The following TNR variants were observed in gnomAD, a reference collection of about 807,000 sequenced individuals.
TNR encodes the protein tenascin R.
TNR carries 45 observed loss-of-function variants against 150.4 expected under a neutral mutation model. That is an observed-to-expected ratio of 0.30 (90% CI 0.24 to 0.38). The LOEUF (loss-of-function observed/expected upper bound fraction) is 0.38. Among genes scored for constraint, TNR ranks in the 10% least tolerant of loss-of-function variants. The pLI is 1.00. For synonymous variants in TNR, 687 were observed against 678.4 expected (o/e 1.01, Z -0.20); for missense variants, 1,544 against 1,759.1 (o/e 0.88, Z 2.19).
intron 1 of TNR, among the ~76,000 whole-genome samples, chr1:175,579,840 G>T (rs1364621877): frequency 2.6e-5 from 4 of 151,934 alleles, no homozygotes; most frequent in Admixed American, 2.6e-4. Flanking sequence ...CCCCAGGCAG[G>T]TCCTGCCTTT....
chr1:175,352,092 T>C (rs944314631), intron 18 of TNR, among the ~76,000 whole-genome samples: 5 of 152,156 alleles, frequency 3.3e-5, no homozygotes, highest in African/African-American at 1.2e-4. Context: ...CCAGGTGGAT[T>C]TGGGATCCCA....
intron 9 of TNR, among the ~76,000 whole-genome samples, chr1:175,372,650 C>T (rs1652159934): frequency 6.6e-6 from 1 of 152,226 alleles, no homozygotes; most frequent in South Asian, 2.1e-4. Flanking sequence ...TTCATGCCTG[C>T]TGTCGCTAGC....
At chr1:175,651,490 T>A (rs1228634247) in intron 1 of TNR, among the ~76,000 whole-genome samples, 1 of 152,062 alleles carries the variant, frequency 6.6e-6, no homozygotes, top group East Asian at 1.9e-4. Context: ...ATTGTGAATA[T>A]GTTTTAATAA....
chr1:175,497,547 G>C (rs1362386096), intron 2 of TNR, among the ~76,000 whole-genome samples: 2 of 152,154 alleles, frequency 1.3e-5, no homozygotes, highest in Non-Finnish European at 2.9e-5. Flanking sequence ...TGTGTTTCAC[G>C]GGGCTTCTGA....
At chr1:175,346,555 C>T (rs879812813) in intron 18 of TNR, among the ~76,000 whole-genome samples, 18 of 150,382 alleles carry the variant, frequency 1.2e-4, no homozygotes, top group South Asian at 6.3e-4. Context: ...GAAGTAAAGA[C>T]AGAATATGAA....
chr1:175,651,937 A>G (rs1241755690), intron 1 of TNR, among the ~76,000 whole-genome samples: 2 of 151,392 alleles, frequency 1.3e-5, no homozygotes, highest in Non-Finnish European at 2.9e-5. Context: ...ATGTTCATGG[A>G]TGAAATAAGA....
At chr1:175,352,104 A>G (rs1192964270) in intron 18 of TNR, among the ~76,000 whole-genome samples, 1 of 152,154 alleles carries the variant, frequency 6.6e-6, no homozygotes, top group African/African-American at 2.4e-5. Flanking sequence ...GGGATCCCAG[A>G]TCCAAAAAAC....
At chr1:175,622,394 T>C (rs1403075856) in intron 1 of TNR, among the ~76,000 whole-genome samples, 1 of 152,206 alleles carries the variant, frequency 6.6e-6, no homozygotes, top group Non-Finnish European at 1.5e-5. Context: ...ACCTGGTCCC[T>C]CCTTCTTTTT....
At chr1:175,741,293 A>G (rs1018644720) in intron 1 of TNR, among the ~76,000 whole-genome samples, 6 of 152,148 alleles carry the variant, frequency 3.9e-5, no homozygotes, top group Non-Finnish European at 8.8e-5. Flanking sequence ...GTGTCTCTCC[A>G]TTTATAAAAT....
chr1:175,476,882 C>T (rs1000685454), intron 2 of TNR, among the ~76,000 whole-genome samples: 9 of 152,204 alleles, frequency 5.9e-5, no homozygotes, highest in Non-Finnish European at 1.0e-4. Flanking sequence ...TTTAGAGACC[C>T]GTAACAGCAC....
intron 2 of TNR, among the ~76,000 whole-genome samples, chr1:175,414,666 C>G (rs1654356066): frequency 6.6e-6 from 1 of 152,154 alleles, no homozygotes; most frequent in Non-Finnish European, 1.5e-5. Context: ...ATGAGGTGCT[C>G]ACTCCCCTCT....
At chr1:175,691,712 A>G (rs951778445) in intron 1 of TNR, among the ~76,000 whole-genome samples, 2 of 152,154 alleles carry the variant, frequency 1.3e-5, no homozygotes, top group African/African-American at 4.8e-5. Flanking sequence ...AGCTTAGGTG[A>G]CAGACAGGCA....
chr1:175,355,735 A>C, intron 16 of TNR, 102 bp from the exon 17 acceptor site: 1 of 1,519,646 alleles, frequency 6.6e-7, no homozygotes, highest in East Asian at 2.3e-5. Context: ...TGGTCTCAGG[A>C]TTGCTCACAT....
intron 1 of TNR, among the ~76,000 whole-genome samples, chr1:175,654,954 C>T (rs193047187): frequency 0.011 from 1,713 of 152,226 alleles, 17 homozygotes; most frequent in Non-Finnish European, 0.017. Context: ...GATCTCCTGA[C>T]CTCGTGATCC....
At chr1:175,583,334 C>T (rs372112824) in intron 1 of TNR, among the ~76,000 whole-genome samples, 1 of 152,292 alleles carries the variant, frequency 6.6e-6, no homozygotes, top group East Asian at 1.9e-4. Flanking sequence ...CCTGTGAGAG[C>T]TGAAGTAGGA....
intron 1 of TNR, among the ~76,000 whole-genome samples, chr1:175,616,028 T>A (rs1017011298): frequency 2.0e-5 from 3 of 152,224 alleles, no homozygotes; most frequent in Non-Finnish European, 4.4e-5. Flanking sequence ...AGGTAATTTT[T>A]AAAAATAACT....
At chr1:175,723,041 C>T (rs544066173) in intron 1 of TNR, among the ~76,000 whole-genome samples, 3 of 152,228 alleles carry the variant, frequency 2.0e-5, no homozygotes, top group African/African-American at 4.8e-5. Flanking sequence ...CTGCCCACCT[C>T]GGCCTCCCAA....
intron 2 of TNR, among the ~76,000 whole-genome samples, chr1:175,446,540 C>T (rs1219109320): frequency 6.6e-6 from 1 of 152,008 alleles, no homozygotes; most frequent in Non-Finnish European, 1.5e-5. Flanking sequence ...AGATAAAACT[C>T]ATATGTATAG....
chr1:175,516,649 G>A (rs1056759891), intron 2 of TNR, among the ~76,000 whole-genome samples: 7 of 152,164 alleles, frequency 4.6e-5, no homozygotes, highest in Non-Finnish European at 1.0e-4. Flanking sequence ...GCAGACTGAT[G>A]CCAGCAGGAC....
Sources: gnomAD v4.1 joint callset for allele counts (sites outside exome capture counted in the v4.1 genomes callset) on GRCh38, gnomAD v4.1.1 for gene constraint, MANE v1.5 for transcripts, NCBI Gene and HGNC (gene_info 2026-07-23, HGNC 2026-07-21) for gene names.